KAZN: variants seen among roughly 807,000 people sequenced by gnomAD.
KAZN encodes kazrin.
KAZN carries 40 observed loss-of-function variants against 87.4 expected under a neutral mutation model. The observed-to-expected ratio is 0.46, with a 90% CI of 0.36 to 0.60. KAZN has a LOEUF of 0.60. Among genes scored for constraint, KAZN ranks in the 20% least tolerant of loss-of-function variants. The probability of loss-of-function intolerance (pLI) is 0.00; values close to 1 mark genes in which losing one functional copy is unlikely to be tolerated. For missense variants in KAZN, 898 were observed against 1,073.9 expected, an observed-to-expected ratio of 0.84 and a Z score of 2.29; for synonymous variants, 466 against 458.3, an observed-to-expected ratio of 1.02 and a Z score of -0.22.
chr1:14,127,299 G>C (rs1644893217), intron 1 of KAZN, among the ~76,000 whole-genome samples: 1 of 151,968 alleles, frequency 6.6e-6, no homozygotes, highest in Non-Finnish European at 1.5e-5. Flanking sequence ...ATTTAACATA[G>C]GACAGGCCAG....
chr1:14,499,246 T>A (rs1266240272), intron 2 of KAZN, among the ~76,000 whole-genome samples: 1 of 152,092 alleles, frequency 6.6e-6, no homozygotes, highest in East Asian at 1.9e-4. Flanking sequence ...CCTCTCAACT[T>A]TTCCCAAACA....
At chr1:14,091,661 C>G (rs1643997651) in intron 1 of KAZN, among the ~76,000 whole-genome samples, 1 of 152,192 alleles carries the variant, frequency 6.6e-6, no homozygotes, top group Non-Finnish European at 1.5e-5. Flanking sequence ...ATTTCTTTCT[C>G]TATTTCAATG....
rs142259209 is a variant in KAZN at position 14,954,907 on chromosome 1, G to T, written c.227-5777G>T. Among the ~76,000 whole-genome samples the T allele has an allele frequency of 6.0e-3, 910 of 152,226 alleles. 17 individuals are homozygous for T. The highest frequency in any genetic ancestry group is 0.02 in the African/African-American group (832 of 41,524). ...GCAGAGCTTGCAGTGAGCCAAGATC[G>T]CGCCACTGTACTCCAGCCTGGGCGA... On this transcript the variant is annotated intron_variant, in intron 1 of 14. Transcript: ENST00000376030.
intron 2 of KAZN, among the ~76,000 whole-genome samples, chr1:14,241,742 G>A (rs2100578715): frequency 6.6e-6 from 1 of 152,296 alleles, no homozygotes; most frequent in South Asian, 2.1e-4. Flanking sequence ...GAGGAGATAT[G>A]CTGTATTGAA....
intron 2 of KAZN, among the ~76,000 whole-genome samples, chr1:14,985,000 G>A (rs10803332): frequency 6.6e-6 from 1 of 151,992 alleles, no homozygotes; most frequent in Non-Finnish European, 1.5e-5. Flanking sequence ...GCCAGGCGTG[G>A]TGGTGCTCAC....
chr1:14,785,466 AG>A (rs1274988605), intron 1 of KAZN, among the ~76,000 whole-genome samples: 2 of 152,128 alleles, frequency 1.3e-5, no homozygotes, highest in African/African-American at 4.8e-5. Context: ...TGGATACCTC[AG>A]GGGAGGCCCG....
At chr1:14,473,064 A>G (rs1290599895) in intron 2 of KAZN, among the ~76,000 whole-genome samples, 2 of 152,148 alleles carry the variant, frequency 1.3e-5, no homozygotes, top group African/African-American at 4.8e-5. Flanking sequence ...ACCAGTTCAA[A>G]TTTCTTCTCC....
chr1:14,023,286 C>T (rs565653594), intron 1 of KAZN, among the ~76,000 whole-genome samples: 4 of 152,268 alleles, frequency 2.6e-5, no homozygotes, highest in South Asian at 4.2e-4. Context: ...TGCTCCACTG[C>T]GCTCCAGCCT....
chr1:13,893,456 T>G, exon 1 of KAZN: 1 of 765,916 alleles, frequency 1.3e-6, no homozygotes, highest in Non-Finnish European at 2.0e-6. Context: ...TAGGGTTTCA[T>G]TTTTTACTTG....
intron 1 of KAZN, among the ~76,000 whole-genome samples, chr1:14,859,869 A>T (rs988243281): frequency 2.0e-5 from 3 of 152,308 alleles, no homozygotes; most frequent in East Asian, 1.9e-4. Context: ...AAGGATAAGG[A>T]TGCGGCAGTG....
chr1:14,553,078 C>A (rs1673640124), intron 2 of KAZN, among the ~76,000 whole-genome samples: 1 of 152,162 alleles, frequency 6.6e-6, no homozygotes, highest in Non-Finnish European at 1.5e-5. Context: ...TTTTCCAAGA[C>A]AAACTGAAAA....
intron 2 of KAZN, among the ~76,000 whole-genome samples, chr1:14,975,918 G>C (rs1284881784): frequency 6.6e-6 from 1 of 151,400 alleles, no homozygotes; most frequent in South Asian, 2.1e-4. Context: ...TGTAGTCCCA[G>C]CTACTTGGGA....
chr1:14,758,461 T>A (rs1185961339), intron 1 of KAZN, among the ~76,000 whole-genome samples: 1 of 148,576 alleles, frequency 6.7e-6, no homozygotes, highest in Non-Finnish European at 1.5e-5. Flanking sequence ...GCATGTGGCA[T>A]CAGGACCAGC....
intron 1 of KAZN, among the ~76,000 whole-genome samples, chr1:14,158,679 G>A (rs1360448413): frequency 6.6e-6 from 1 of 151,968 alleles, no homozygotes; most frequent in African/African-American, 2.4e-5. Flanking sequence ...TCAATGTCTG[G>A]GCATTGAAGA....
At chr1:14,348,384 T>C (rs1297880102) in intron 2 of KAZN, among the ~76,000 whole-genome samples, 1 of 152,126 alleles carries the variant, frequency 6.6e-6, no homozygotes, top group Non-Finnish European at 1.5e-5. Flanking sequence ...AAAGAAAAAT[T>C]AGAAACTAAA....
chr1:14,529,182 T>C (rs902006545), intron 2 of KAZN, among the ~76,000 whole-genome samples: 3 of 152,124 alleles, frequency 2.0e-5, no homozygotes, highest in African/African-American at 7.2e-5. Context: ...CAGGCACCTG[T>C]AATCCCAGCT....
intron 2 of KAZN, among the ~76,000 whole-genome samples, chr1:14,498,093 A>T (rs2148421779): frequency 6.6e-6 from 1 of 152,306 alleles, no homozygotes; most frequent in African/African-American, 2.4e-5. Context: ...CTTACTTTGG[A>T]AACGTTCCCT....
At chr1:14,494,345 T>G (rs1272472690) in intron 2 of KAZN, among the ~76,000 whole-genome samples, 1 of 151,894 alleles carries the variant, frequency 6.6e-6, no homozygotes, top group Non-Finnish European at 1.5e-5. Context: ...AGAGAGGGAG[T>G]GGGTAGGTAG....
intron 1 of KAZN, among the ~76,000 whole-genome samples, chr1:14,681,261 A>G (rs1572209142): frequency 2.0e-5 from 3 of 152,190 alleles, no homozygotes; most frequent in Non-Finnish European, 2.9e-5. Context: ...CAGTTTATCT[A>G]TTCATTCTCC....
Sources: gnomAD v4.1 joint callset for allele counts (sites outside exome capture counted in the v4.1 genomes callset) on GRCh38, gnomAD v4.1.1 for gene constraint, MANE v1.5 for transcripts, NCBI Gene and HGNC (gene_info 2026-07-23, HGNC 2026-07-21) for gene names.